PTPRG: variants seen among roughly 807,000 people sequenced by gnomAD.
The protein encoded by PTPRG is receptor-type tyrosine-protein phosphatase gamma.
In PTPRG, 102 loss-of-function variants were observed where a neutral mutation model predicts 165.3. That is an observed-to-expected ratio of 0.62 (90% CI 0.53 to 0.73). PTPRG has a LOEUF of 0.73. PTPRG is among the 30% of genes least tolerant of loss of function. The probability of loss-of-function intolerance (pLI) is 0.00; values close to 1 mark genes in which losing one functional copy is unlikely to be tolerated. For synonymous variants in PTPRG, 675 were observed against 669.5 expected (o/e 1.01, Z -0.13); for missense variants, 1,866 against 1,861.4 (o/e 1.00, Z -0.05).
chr3:61,802,088 A>T (rs9834626), intron 2 of PTPRG, among the ~76,000 whole-genome samples: 50,601 of 151,410 alleles, frequency 0.33, 8,959 homozygotes, highest in Middle Eastern at 0.42. Flanking sequence ...TAGCTCCATT[A>T]TTTGTGCAGC....
chr3:61,584,498 G>A (rs888101481), intron 1 of PTPRG, among the ~76,000 whole-genome samples: 2 of 151,742 alleles, frequency 1.3e-5, no homozygotes, highest in East Asian at 1.9e-4. Context: ...AAATCAATAC[G>A]AAGCAATTTC....
At chr3:62,125,051 T>C (rs76765397) in intron 5 of PTPRG, among the ~76,000 whole-genome samples, 2,333 of 152,232 alleles carry the variant, frequency 0.015, 59 homozygotes, top group African/African-American at 0.052. Context: ...AATCAATGAG[T>C]TTAAGGAGCC....
chr3:62,144,399 C>G (rs1262893931), intron 6 of PTPRG, among the ~76,000 whole-genome samples: 2 of 152,296 alleles, frequency 1.3e-5, no homozygotes, highest in Non-Finnish European at 2.9e-5. Flanking sequence ...AATGAGGGTT[C>G]TGTTTTAATG....
chr3:61,700,078 A>T (rs1290606581), intron 1 of PTPRG, among the ~76,000 whole-genome samples: 2 of 152,032 alleles, frequency 1.3e-5, no homozygotes, highest in African/African-American at 2.4e-5. Flanking sequence ...ATTGATCCTT[A>T]TATAGTAAAT....
rs1559757213 is a variant in PTPRG at position 62,281,714 on chromosome 3, C to T, written c.3912+5C>T. 3 of 1,609,018 alleles carry T rather than the reference C, an allele frequency of 1.9e-6. No individual in the cohort carries two copies. The highest frequency in any genetic ancestry group is 1.3e-5 in the African/African-American group (1 of 74,588). On this transcript the variant is annotated splice_donor_5th_base_variant and intron_variant, in intron 27 of 29. Transcript: ENST00000474889. ...TTTATCCTTGAAGCTACACAGGTAA[C>T]CTAAACCTCAGTTCCTCACTAATAG... is the stretch of plus-strand genomic sequence containing the variant.
intron 28 of PTPRG, among the ~76,000 whole-genome samples, chr3:62,286,250 T>G (rs902498577): frequency 2.6e-5 from 4 of 152,162 alleles, no homozygotes; most frequent in Non-Finnish European, 4.4e-5. Context: ...AATTCCAGTA[T>G]TTTCGCTTTT....
At chr3:62,207,808 A>G (rs976887891) in intron 12 of PTPRG, among the ~76,000 whole-genome samples, 1 of 152,178 alleles carries the variant, frequency 6.6e-6, no homozygotes, top group African/African-American at 2.4e-5. Flanking sequence ...AAACCCAGAC[A>G]CCTACAGAAA....
rs750722365 is a variant in PTPRG, at chr3:62,054,785, T to TA, written c.520-23377dup. ...CCTTCATTTATGAAGCGTACGGGAG[T>TA]ATGTGACAGGGAATTCAAAGATGTG... On this transcript the variant is annotated intron_variant, in intron 4 of 29. Coordinates refer to ENST00000474889, the MANE Select transcript of PTPRG (RefSeq NM_002841.4). Among the ~76,000 whole-genome samples, 27 of 152,174 alleles carry TA rather than the reference T, an allele frequency of 1.8e-4. 1 individual carries two copies. The South Asian group carries it at 4.6e-3, about 26-fold the overall frequency.
intron 2 of PTPRG, among the ~76,000 whole-genome samples, chr3:61,933,376 C>T (rs895797452): frequency 2.6e-5 from 4 of 152,082 alleles, no homozygotes; most frequent in African/African-American, 7.2e-5. Context: ...GATGGGCACT[C>T]ATTAAATATG....
intron 2 of PTPRG, among the ~76,000 whole-genome samples, chr3:61,900,991 A>T (rs981136311): frequency 6.6e-6 from 1 of 152,204 alleles, no homozygotes; most frequent in Non-Finnish European, 1.5e-5. Context: ...AAATAAGCAT[A>T]GAAACTTGTT....
At chr3:62,001,609 G>T (rs1027142570) in intron 3 of PTPRG, among the ~76,000 whole-genome samples, 4 of 151,126 alleles carry the variant, frequency 2.6e-5, no homozygotes, top group African/African-American at 9.7e-5. Context: ...TGTATATATA[G>T]ATATATTTTA....
At chr3:62,165,534 T>C (rs1451373186) in intron 7 of PTPRG, among the ~76,000 whole-genome samples, 1 of 152,188 alleles carries the variant, frequency 6.6e-6, no homozygotes, top group Non-Finnish European at 1.5e-5. Flanking sequence ...AAAGAAGGAA[T>C]AGCAGAAAGA....
intron 2 of PTPRG, among the ~76,000 whole-genome samples, chr3:61,866,141 G>A (rs560560000): frequency 2.6e-4 from 39 of 152,258 alleles, no homozygotes; most frequent in African/African-American, 7.7e-4. Context: ...ATGCAGCACC[G>A]GTCCTCCTGC....
intron 15 of PTPRG, among the ~76,000 whole-genome samples, chr3:62,251,406 C>G (rs1701415453): frequency 2.0e-5 from 3 of 152,022 alleles, no homozygotes; most frequent in African/African-American, 7.3e-5. Flanking sequence ...TTCAGCTACT[C>G]AGGAGGCTGA....
intron 1 of PTPRG, among the ~76,000 whole-genome samples, chr3:61,722,988 A>T (rs1214632712): frequency 6.6e-6 from 1 of 152,104 alleles, no homozygotes; most frequent in East Asian, 1.9e-4. Context: ...GGGTGAGCAG[A>T]GGTCGATGAT....
chr3:61,607,411 CTG>C (rs1290646007), intron 1 of PTPRG, among the ~76,000 whole-genome samples: 1 of 152,156 alleles, frequency 6.6e-6, no homozygotes, highest in African/African-American at 2.4e-5. Context: ...TCCATTAAAA[CTG>C]AAATGCCTGG....
intron 16 of PTPRG, among the ~76,000 whole-genome samples, chr3:62,256,125 A>T (rs549518330): frequency 3.3e-5 from 5 of 152,112 alleles, no homozygotes; most frequent in Non-Finnish European, 7.4e-5. Flanking sequence ...TTTAAAATGG[A>T]AATGATGATG....
chr3:61,812,462 AC>A (rs766155481), intron 2 of PTPRG, among the ~76,000 whole-genome samples: 8 of 152,218 alleles, frequency 5.3e-5, no homozygotes, highest in Non-Finnish European at 1.0e-4. Flanking sequence ...ATGAAAACCC[AC>A]CAGTTTAAGC....
intron 2 of PTPRG, among the ~76,000 whole-genome samples, chr3:61,938,975 A>C (rs778141343): frequency 6.6e-6 from 1 of 152,224 alleles, no homozygotes; most frequent in Non-Finnish European, 1.5e-5. Context: ...AGATTCAGAC[A>C]TCAATCATAT....
Sources: gnomAD v4.1 joint callset for allele counts (sites outside exome capture counted in the v4.1 genomes callset) on GRCh38, gnomAD v4.1.1 for gene constraint, MANE v1.5 for transcripts, NCBI Gene and HGNC (gene_info 2026-07-23, HGNC 2026-07-21) for gene names.